Variants in SRCAP observed in about 807,000 individuals in gnomAD.
The protein encoded by SRCAP is chromatin remodeling protein SRCAP.
A neutral mutation model predicts 263.1 loss-of-function variants in SRCAP; 46 were observed. The observed-to-expected ratio is 0.17, with a 90% CI of 0.14 to 0.22. SRCAP has a LOEUF of 0.22. Among genes scored for constraint, SRCAP ranks in the 10% least tolerant of loss-of-function variants. The pLI is 1.00. For synonymous variants in SRCAP, 1,813 were observed against 1,662.1 expected (o/e 1.09, Z -2.21); for missense variants, 3,695 against 4,181.9 (o/e 0.88, Z 3.21).
chr16:30,718,581 C>G (rs1483894629), intron 18 of SRCAP, among the ~76,000 whole-genome samples: 2 of 151,162 alleles, frequency 1.3e-5, no homozygotes, highest in South Asian at 2.1e-4. Flanking sequence ...TCAAGTGATT[C>G]TCCTGCCTCA....
At chr16:30,700,943 G>T (rs1234800344) in intron 3 of SRCAP, 65 bp downstream of exon 3, 1 of 1,541,986 alleles carries the variant, frequency 6.5e-7, no homozygotes, top group African/African-American at 1.4e-5. Context: ...TGAGGCAGAA[G>T]AAATGTGGCA....
intron 25 of SRCAP, among the ~76,000 whole-genome samples, chr16:30,727,564 C>G (rs1162661215): frequency 3.3e-5 from 5 of 151,910 alleles, no homozygotes; most frequent in Non-Finnish European, 7.4e-5. Flanking sequence ...TTGTTTGTTT[C>G]TTTTTTTGAG....
chr16:30,727,463 G>A (rs1213144478), intron 25 of SRCAP, among the ~76,000 whole-genome samples: 1 of 152,098 alleles, frequency 6.6e-6, no homozygotes, highest in East Asian at 1.9e-4. Context: ...CACAGTCTCC[G>A]CTCATTGCAG....
chr16:30,716,409 T>C lies in SRCAP; in HGVS notation c.2747T>C (p.Phe916Ser). 1 of 1,614,216 alleles carries C rather than the reference T, an allele frequency of 6.2e-7. No individual in the cohort carries two copies. Among genetic ancestry groups the C allele is most frequent in the African/African-American group, 1.3e-5 (1 of 75,060 alleles). The change falls in exon 18 of 34, where the codon TTC becomes TCC. Residue 916 changes from phenylalanine to serine, a missense_variant. Coordinates refer to ENST00000262518, the MANE Select transcript of SRCAP (RefSeq NM_006662.3). ...GACCCTCGACCGGTTACCTCCCCTT[T>C]CATCACCCCAGGCATCTGCTTCAGC... ...LFDPRPVTSP[F>S]ITPGICFSTA...
chr16:30,707,758 G>A, intron 6 of SRCAP, 46 bp downstream of exon 6: 1 of 1,606,704 alleles, frequency 6.2e-7, no homozygotes, highest in Non-Finnish European at 8.5e-7. Flanking sequence ...GGATTAGATT[G>A]GTAGATGGCG....
Position 30,723,894 on chromosome 16 carries a change from T to A in SRCAP, c.4470T>A (p.Pro1490=). 1 of 1,614,092 alleles carries A rather than the reference T, an allele frequency of 6.2e-7. No homozygotes were observed. The highest frequency in any genetic ancestry group is 1.3e-5 in the African/African-American group (1 of 74,994). The change falls in exon 25 of 34, where the codon CCT becomes CCA. Residue 1490 remains proline, a synonymous_variant. Transcript: ENST00000262518. Reference sequence around the variant, plus strand: ...CTGTTGTCCCAGCGGCTCCTGGACCTCCCTCCTTGGCACCATCTGGTGCTT... The same window carrying A: ...CTGTTGTCCCAGCGGCTCCTGGACCACCCTCCTTGGCACCATCTGGTGCTT... The part of the protein sequence containing the change: ...LAPVVPAAPG[P]PSLAPSGASP...
At chr16:30,728,580 A>G (rs2053084181) in intron 25 of SRCAP, among the ~76,000 whole-genome samples, 1 of 152,226 alleles carries the variant, frequency 6.6e-6, no homozygotes, top group African/African-American at 2.4e-5. Flanking sequence ...GATTTGAAGA[A>G]GGCTATAGTC....
In SRCAP at chr16:30,733,492, C is replaced by A; in HGVS notation, c.6297+43C>A. 2 of 1,611,482 alleles carry A rather than the reference C, an allele frequency of 1.2e-6. No individual in the cohort carries two copies. Among genetic ancestry groups the A allele is most frequent in the South Asian group, 2.2e-5 (2 of 90,896 alleles). ...AGCTCTTAGAGGCTCACCTCCGCTT[C>A]TCTCTCCTTTTCCCAGGATTTGGGC... On this transcript the variant is annotated intron_variant, in intron 28 of 33. Coordinates refer to ENST00000262518, the MANE Select transcript of SRCAP (RefSeq NM_006662.3). The surrounding 1 kb of genome is among the most constrained non-coding windows in gnomAD (Gnocchi z 5.3).
chr16:30,712,017 G>C lies in SRCAP; in HGVS notation c.1675G>C (p.Glu559Gln). 6.2e-7 allele frequency: 1 copy of C among 1,614,070 alleles called. No homozygotes were observed. Among genetic ancestry groups the C allele is most frequent in the Non-Finnish European group, 8.5e-7 (1 of 1,180,026 alleles). Reference protein sequence around the residue: ...FGVEYLLARDEEQSEADAGSG... With the variant: ...FGVEYLLARDQEQSEADAGSG... The stretch of plus-strand genomic sequence containing the variant: ...GGTGGAGTACTTGCTTGCCAGGGAT[G>C]AAGAGCAGAGTGAGGCAGATGCAGG... Residue 559 changes from glutamate to glutamine, a missense_variant, in exon 12 of 34, where the codon GAA (glutamate) becomes CAA (glutamine). Coordinates refer to ENST00000262518, the MANE Select transcript of SRCAP (RefSeq NM_006662.3).
rs2053187077 is a variant in SRCAP, at chr16:30,738,674, TGAGGCACCCTCATCCA to T, written c.8635_8650del (p.Glu2879ProfsTer2). On this transcript the variant is annotated frameshift_variant, in exon 34 of 34. Coordinates refer to ENST00000262518, the MANE Select transcript of SRCAP (RefSeq NM_006662.3). The stretch of plus-strand genomic sequence containing the variant: ...CAGCAGATGCTGGGAGAGGTGTGGA[TGAGGCACCCTCATCCA>T]CCTTGAAGGGAAAAACCAATGGGGC... 1.2e-6 allele frequency: 2 copies of T among 1,613,398 alleles called. No homozygotes were observed. Among genetic ancestry groups the T allele is most frequent in the Non-Finnish European group, 1.7e-6 (2 of 1,179,824 alleles).
intron 24 of SRCAP, 101 bp from the exon 25 acceptor site, chr16:30,723,483 T>C: frequency 1.3e-6 from 2 of 1,512,718 alleles, no homozygotes; most frequent in South Asian, 1.3e-5. Context: ...AGTGAATGCC[T>C]TCTGGGAAAT....
chr16:30,720,690 ACT>A (rs1239054723), intron 19 of SRCAP, 21 bp from the exon 20 acceptor site: 2 of 1,569,092 alleles, frequency 1.3e-6, no homozygotes, highest in Admixed American at 1.8e-5. Flanking sequence ...GTCCCTACCC[ACT>A]CTCTTAATTT....
Position 30,716,479 on chromosome 16 carries a change from G to A in SRCAP, c.2817G>A (p.Gln939=). ...GGGCCACGGATGTCCATCCCCTCCA[G>A]GTAAGTATGATTCCATTAATATGAA... ...VLRATDVHPL[Q]RIDMGRFDLI... The change falls in exon 18 of 34, where the codon CAG becomes CAA. Residue 939 remains glutamine (Q), a splice_region_variant and synonymous_variant. Coordinates refer to ENST00000262518, the MANE Select transcript of SRCAP (RefSeq NM_006662.3). 3.1e-6 allele frequency: 5 copies of A among 1,608,080 alleles called. No homozygotes were observed. Among genetic ancestry groups the A allele is most frequent in the Non-Finnish European group, 4.2e-6 (5 of 1,177,228 alleles).
At position 30,737,343 on chromosome 16, in the gene SRCAP, C is replaced by A. The variant is rs199469465; in HGVS notation, c.7303C>A (p.Arg2435=). 1 of 1,614,008 alleles carries A rather than the reference C, an allele frequency of 6.2e-7. No homozygotes were observed. The highest frequency in any genetic ancestry group is 2.2e-5 in the East Asian group (1 of 44,892). The change falls in exon 34 of 34, where the codon CGA becomes AGA. Residue 2435 remains arginine, a synonymous_variant. Transcript: ENST00000262518. ...ACCCCGCTGCAGTCCTGCCAGGGAG[C>A]GAGTTCCCAGGCCAGCACCTAGGCC... ...TPPRCSPARE[R]VPRPAPRPRP...
chr16:30,710,403 C>T (rs1251781596), intron 8 of SRCAP: 8 of 636,342 alleles, frequency 1.3e-5, no homozygotes, highest in Non-Finnish European at 2.3e-5. Context: ...CCGTTACTTG[C>T]CACTTCTCTG....
Position 30,716,436 on chromosome 16 carries a change from C to G in SRCAP, c.2774C>G (p.Thr925Ser), listed in dbSNP as rs202065257. 1 of 1,614,232 alleles carries G rather than the reference C, an allele frequency of 6.2e-7. No individual in the cohort carries two copies. The highest frequency in any genetic ancestry group is 8.5e-7 in the Non-Finnish European group (1 of 1,180,042). ...ATCACCCCAGGCATCTGCTTCAGCA[C>G]CGCCTCTCTGGTGCTAAGGGCCACG... ...PFITPGICFS[T>S]ASLVLRATDV... The change falls in exon 18 of 34, where the codon ACC becomes AGC. Residue 925 changes from threonine to serine, a missense_variant. Physicochemically the swap from Thr to Ser is moderately conservative, Grantham distance 58 (BLOSUM62 1). This residue lies in a region of SRCAP where 147 missense variants were observed against 212.7 expected (regional missense o/e 0.69). Coordinates refer to ENST00000262518, the MANE Select transcript of SRCAP (RefSeq NM_006662.3).
rs898358057 is a variant in SRCAP, at chr16:30,740,687, T to G, written c.*954T>G. 2 of 152,110 alleles carry G rather than the reference T, an allele frequency of 1.3e-5. No individual in the cohort carries two copies. The highest frequency in any genetic ancestry group is 2.9e-5 in the Non-Finnish European group (2 of 68,074). The allele number at this position is 152,110 out of a possible 1,614,324, so 9.4% of individuals were successfully genotyped here. A position where few individuals can be genotyped will look rare whatever the true frequency, so the allele number is the denominator to read the frequency against. On this transcript the variant is annotated 3_prime_UTR_variant, in exon 34 of 34. Coordinates refer to ENST00000262518, the MANE Select transcript of SRCAP (RefSeq NM_006662.3). The stretch of plus-strand genomic sequence containing the variant: ...CTGAGGCAGGAGCCGAAACTCAGAG[T>G]CCTTCAAGGCCTATAGCCAGGTAAG...
chr16:30,723,055 C>T lies in SRCAP; in HGVS notation c.3985C>T (p.Pro1329Ser). The change falls in exon 24 of 34, where the codon CCA becomes TCA. Residue 1329 changes from proline to serine, a missense_variant. Pro to Ser is a moderately conservative substitution (Grantham distance 74). Around this residue, in one of 12 missense-constraint regions of SRCAP, gnomAD observed 1,347 missense variants for 1,304.4 expected, o/e 1.03. Transcript: ENST00000262518. ...DGLTPVPPLA[P>S]APRPPSSGLP... ...ACTGACTCCTGTTCCTCCATTGGCC[C>T]CAGCACCCCGGCCTCCGAGCTCTGG... 1 of 1,614,098 alleles carries T rather than the reference C, an allele frequency of 6.2e-7. No homozygotes were observed. Among genetic ancestry groups the T allele is most frequent in the Non-Finnish European group, 8.5e-7 (1 of 1,180,018 alleles).
chr16:30,710,594 T>C (rs1193510510), intron 8 of SRCAP, 160 bp from the exon 9 acceptor site: 11 of 855,014 alleles, frequency 1.3e-5, no homozygotes, highest in Non-Finnish European at 2.2e-5. Flanking sequence ...TAGCTGGTGC[T>C]GAGAGAAAAC....
Sources: allele counts gnomAD v4.1 joint callset (sites outside exome capture counted in the v4.1 genomes callset), GRCh38; gene constraint gnomAD v4.1.1; regional missense constraint gnomAD v4.1.1; non-coding constraint Gnocchi (gnomAD v3.1); transcripts MANE v1.5; gene names NCBI Gene and HGNC (gene_info 2026-07-23, HGNC 2026-07-21).